The following PPARGC1A variants were observed in gnomAD, a reference collection of about 807,000 sequenced individuals.
The protein encoded by PPARGC1A is peroxisome proliferator-activated receptor gamma coactivator 1-alpha.
In PPARGC1A, 25 loss-of-function variants were observed where a neutral mutation model predicts 88.7. The ratio of observed to expected loss-of-function variants is 0.28; its 90% CI spans 0.21 to 0.39. The LOEUF (loss-of-function observed/expected upper bound fraction) is 0.39. PPARGC1A is among the 10% of genes least tolerant of loss of function. PPARGC1A has a pLI of 1.00. For synonymous variants in PPARGC1A, 363 were observed against 355.6 expected, an observed-to-expected ratio of 1.02 and a Z score of -0.24; for missense variants, 880 against 968.7, an observed-to-expected ratio of 0.91 and a Z score of 1.22.
chr4:23,916,605 C>T, the PPARGC1A span, among the ~76,000 whole-genome samples: 3 of 152,110 alleles, frequency 2.0e-5, no homozygotes, highest in Non-Finnish European at 4.4e-5. Flanking sequence ...TCTCATATCT[C>T]ACGTGAGTAA....
the PPARGC1A span, among the ~76,000 whole-genome samples, chr4:24,250,238 TG>T: frequency 6.6e-6 from 1 of 152,374 alleles, no homozygotes. Flanking sequence ...CCGGTGTGGC[TG>T]GTTACATTCT....
At chr4:24,432,388 A>T in the PPARGC1A span, among the ~76,000 whole-genome samples, 3 of 152,076 alleles carry the variant, frequency 2.0e-5, no homozygotes, top group Admixed American at 2.0e-4. Flanking sequence ...CTCATTTTGG[A>T]TGTGCTGCCA....
chr4:23,796,757 TG>T (rs1365717914), intron 12 of PPARGC1A, among the ~76,000 whole-genome samples: 1 of 152,118 alleles, frequency 6.6e-6, no homozygotes, highest in Non-Finnish European at 1.5e-5. Context: ...AAGGGGGGCT[TG>T]GAAATATAAT....
At chr4:24,203,695 G>A in the PPARGC1A span, among the ~76,000 whole-genome samples, 16 of 152,354 alleles carry the variant, frequency 1.1e-4, 1 homozygote, top group East Asian at 2.3e-3. Flanking sequence ...CGCAGAGGGC[G>A]AGGCAATGAT....
chr4:24,374,432 T>G, the PPARGC1A span, among the ~76,000 whole-genome samples: 6 of 151,746 alleles, frequency 4.0e-5, no homozygotes, highest in Non-Finnish European at 8.8e-5. Context: ...AGGGAGAGGA[T>G]CAGGGAAAGC....
At chr4:24,236,836 T>C in the PPARGC1A span, among the ~76,000 whole-genome samples, 1 of 152,182 alleles carries the variant, frequency 6.6e-6, no homozygotes, top group African/African-American at 2.4e-5. Flanking sequence ...CCTTAAAAGT[T>C]ACAAAAGTCT....
At chr4:24,444,747 C>A in the PPARGC1A span, among the ~76,000 whole-genome samples, 1 of 152,120 alleles carries the variant, frequency 6.6e-6, no homozygotes, top group Non-Finnish European at 1.5e-5. Context: ...GCAAGTGAGT[C>A]TGTATCTGCT....
the PPARGC1A span, among the ~76,000 whole-genome samples, chr4:24,069,422 C>T: frequency 0.24 from 36,239 of 152,142 alleles, 4,664 homozygotes; most frequent in Admixed American, 0.35. Context: ...TTCATGAAGA[C>T]TTTTCTAGAC....
At chr4:24,197,754 C>A in the PPARGC1A span, among the ~76,000 whole-genome samples, 1 of 152,306 alleles carries the variant, frequency 6.6e-6, no homozygotes, top group Non-Finnish European at 1.5e-5. Context: ...TCCTGCATGG[C>A]TTCACCACAA....
chr4:23,841,804 T>C lies in PPARGC1A; in HGVS notation c.235-10053A>G, dbSNP rs1236813310. On this transcript the variant is annotated intron_variant, in intron 2 of 12. Coordinates refer to ENST00000264867, the MANE Select transcript of PPARGC1A (RefSeq NM_013261.5). ...TTTTCTGTTCATTTAAATAATGCCA[T>C]AGTTCTCTTAGATAAATATTACTTT... Among the ~76,000 whole-genome samples, 4 of 152,084 alleles carry C rather than the reference T, an allele frequency of 2.6e-5. No individual in the cohort carries two copies. The South Asian group carries it at 6.2e-4, about 24-fold the overall frequency.
chr4:23,936,312 A>C, the PPARGC1A span, among the ~76,000 whole-genome samples: 1 of 152,242 alleles, frequency 6.6e-6, no homozygotes, highest in Admixed American at 6.5e-5. Context: ...AAACTTGCCC[A>C]AGATCACATA....
the PPARGC1A span, among the ~76,000 whole-genome samples, chr4:24,156,763 T>A: frequency 1.3e-5 from 2 of 151,766 alleles, no homozygotes; most frequent in African/African-American, 4.8e-5. Context: ...AACTTTTGTT[T>A]AATCAGATAT....
chr4:24,256,008 C>T, the PPARGC1A span, among the ~76,000 whole-genome samples: 1 of 152,170 alleles, frequency 6.6e-6, no homozygotes, highest in Non-Finnish European at 1.5e-5. Context: ...CTTTCAAAGT[C>T]ATCTCCCCTC....
the PPARGC1A span, among the ~76,000 whole-genome samples, chr4:24,389,510 T>C: frequency 6.6e-6 from 1 of 152,142 alleles, no homozygotes; most frequent in Admixed American, 6.5e-5. Context: ...CATGAGGTCT[T>C]ACGAATATTA....
At chr4:24,007,716 T>C in the PPARGC1A span, among the ~76,000 whole-genome samples, 2 of 152,094 alleles carry the variant, frequency 1.3e-5, no homozygotes, top group African/African-American at 2.4e-5. Flanking sequence ...AGTCCAACCA[T>C]GGCAGGGCTC....
the PPARGC1A span, among the ~76,000 whole-genome samples, chr4:24,413,943 G>A: frequency 2.6e-5 from 4 of 152,216 alleles, no homozygotes; most frequent in African/African-American, 4.8e-5. Flanking sequence ...AAATACTACC[G>A]GGATTTTGAA....
chr4:24,424,258 C>CACTTT, the PPARGC1A span, among the ~76,000 whole-genome samples: 1 of 44,346 alleles, frequency 2.3e-5, no homozygotes, highest in East Asian at 9.7e-4. Flanking sequence ...TATACACACA[C>CACTTT]TTTTTTTTTT....
chr4:24,231,372 A>G, the PPARGC1A span, among the ~76,000 whole-genome samples: 3 of 152,132 alleles, frequency 2.0e-5, no homozygotes, highest in African/African-American at 7.2e-5. Context: ...AAAACCCCAG[A>G]CCATTCAGAG....
the PPARGC1A span, among the ~76,000 whole-genome samples, chr4:24,461,457 G>A: frequency 6.6e-6 from 1 of 152,166 alleles, no homozygotes; most frequent in South Asian, 2.1e-4. Flanking sequence ...ATGATAGGAA[G>A]GGAAAAAGAG....
Sources: gnomAD v4.1 joint callset for allele counts (sites outside exome capture counted in the v4.1 genomes callset) on GRCh38, gnomAD v4.1.1 for gene constraint, MANE v1.5 for transcripts, NCBI Gene and HGNC (gene_info 2026-07-23, HGNC 2026-07-21) for gene names.